Variants in RIPOR1 observed in about 807,000 individuals in gnomAD.
The protein encoded by RIPOR1 is RHO family interacting cell polarization regulator 1.
In RIPOR1, 58 loss-of-function variants were observed where a neutral mutation model predicts 116.5. The observed-to-expected ratio is 0.50, with a 90% CI of 0.40 to 0.62. RIPOR1 has a LOEUF of 0.62. RIPOR1 is among the 20% of genes least tolerant of loss of function. The pLI is 0.00. For synonymous variants in RIPOR1, 605 were observed against 650.0 expected (o/e 0.93, Z 1.05); for missense variants, 1,372 against 1,586.2 (o/e 0.86, Z 2.29).
In RIPOR1 at chr16:67,537,565, G is replaced by T; in HGVS notation, c.-23-859G>T. 7.1e-7 allele frequency: 1 copy of T among 1,406,986 alleles called. No homozygotes were observed. The highest frequency in any genetic ancestry group is 9.3e-7 in the Non-Finnish European group (1 of 1,078,746). 87.2% of individuals were successfully genotyped at this position (1,406,986 alleles called of 1,614,324 possible). A position where few individuals can be genotyped will look rare whatever the true frequency, so the allele number is the denominator to read the frequency against. ...GGGGGGCGAGCGCGGGTCGGGGGCC[G>T]TCCCGGACCCACCATGAACACCAAG... On this transcript the variant is annotated intron_variant, in intron 1 of 21. Coordinates refer to ENST00000042381, the MANE Select transcript of RIPOR1 (RefSeq NM_024519.4). The surrounding 1 kb of genome is among the most constrained non-coding windows in gnomAD (Gnocchi z 4.6).
chr16:67,544,619 TG>T lies in RIPOR1; in HGVS notation c.2734-73del. The stretch of plus-strand genomic sequence containing the variant: ...AACCCCAACCTCCCCCAGTGCATGC[TG>T]GGACTTGTCCCTGAGCACGATCCTC... On this transcript the variant is annotated intron_variant, in intron 15 of 21. Coordinates refer to ENST00000042381, the MANE Select transcript of RIPOR1 (RefSeq NM_024519.4). This position sits in a 1 kb window ranked among gnomAD's most constrained non-coding sequence, Gnocchi z 5.1. 1 of 1,595,542 alleles carries T rather than the reference TG, an allele frequency of 6.3e-7. No individual in the cohort carries two copies. The highest frequency in any genetic ancestry group is 1.1e-5 in the South Asian group (1 of 90,748).
chr16:67,537,854 G>T lies in RIPOR1; in HGVS notation c.-23-570G>T, dbSNP rs2050840168. 6.6e-6 allele frequency among the ~76,000 whole-genome samples: 1 copy of T among 151,872 alleles called. No homozygotes were observed. The highest frequency in any genetic ancestry group is 1.5e-5 in the Non-Finnish European group (1 of 67,910). The stretch of plus-strand genomic sequence containing the variant: ...CCCCCTGCCTGGAGGGCGCCGGGAC[G>T]CCCGGGCCGGTGGGGGCTGGGGGCA... On this transcript the variant is annotated intron_variant, in intron 1 of 21. Coordinates refer to ENST00000042381, the MANE Select transcript of RIPOR1 (RefSeq NM_024519.4). The surrounding 1 kb of genome is among the most constrained non-coding windows in gnomAD (Gnocchi z 4.6).
Position 67,546,488 on chromosome 16 carries a change from G to A in RIPOR1, c.*25G>A, listed in dbSNP as rs751403702. ...AACTATTCACCCATGGGTTCCTGGT[G>A]CCCCTTTCCCCCCACTTTCAGGGCT... On this transcript the variant is annotated 3_prime_UTR_variant, in exon 22 of 22. Coordinates refer to ENST00000042381, the MANE Select transcript of RIPOR1 (RefSeq NM_024519.4). The A allele has an allele frequency of 1.3e-6, 2 of 1,594,248 alleles. No individual in the cohort carries two copies. The highest frequency in any genetic ancestry group is 1.1e-5 in the South Asian group (1 of 90,576).
Position 67,543,125 on chromosome 16 carries a change from C to G in RIPOR1, c.2339C>G (p.Thr780Arg). The G allele has an allele frequency of 6.6e-7, 1 of 1,524,076 alleles. No homozygotes were observed. 94.4% of individuals were successfully genotyped at this position (1,524,076 alleles called of 1,614,324 possible). ...ATGGCTGTCCAGACCCCAGTCCCAA[C>G]GGCAGCCGGAGGGTCTGGGGACAGG... ...LAMAVQTPVPTAAGGSGDRSL... is the reference protein window; with the variant it reads ...LAMAVQTPVPRAAGGSGDRSL... The change falls in exon 13 of 22, where the codon ACG becomes AGG. Residue 780 changes from threonine to arginine, a missense_variant. Coordinates refer to ENST00000042381, the MANE Select transcript of RIPOR1 (RefSeq NM_024519.4). This position sits in a 1 kb window ranked among gnomAD's most constrained non-coding sequence, Gnocchi z 4.7.
rs2051130185 is a variant in RIPOR1, at chr16:67,545,355, C to T, written c.3032-21C>T. On this transcript the variant is annotated intron_variant, in intron 17 of 21. Coordinates refer to ENST00000042381, the MANE Select transcript of RIPOR1 (RefSeq NM_024519.4). This position sits in a 1 kb window ranked among gnomAD's most constrained non-coding sequence, Gnocchi z 4.8. ...GCTGTGTTCACCCAAACTCTGAGGC[C>T]CATGCTACTGCCTCCTGCAGTGTGT... The T allele has an allele frequency of 1.9e-6, 3 of 1,607,756 alleles. No homozygotes were observed. The highest frequency in any genetic ancestry group is 2.6e-6 in the Non-Finnish European group (3 of 1,176,246).
chr16:67,539,121 G>C, intron 4 of RIPOR1, 53 bp downstream of exon 4: 2 of 1,474,434 alleles, frequency 1.4e-6, no homozygotes, highest in Non-Finnish European at 1.9e-6. Context: ...GGAGGGCTGG[G>C]CAAGGGCAGC....
chr16:67,546,118 C>G, intron 20 of RIPOR1, 23 bp from the exon 21 acceptor site: 1 of 1,612,858 alleles, frequency 6.2e-7, no homozygotes, highest in South Asian at 1.1e-5. Context: ...CTGAGCCCAC[C>G]TCAATGCTCC....
In RIPOR1 at chr16:67,541,448, C is replaced by G. The variant is rs1567572261; in HGVS notation, c.820C>G (p.Leu274Val). 1 of 1,614,016 alleles carries G rather than the reference C, an allele frequency of 6.2e-7. No individual in the cohort carries two copies. The highest frequency in any genetic ancestry group is 1.7e-5 in the Admixed American group (1 of 60,014). The change falls in exon 11 of 22, where the codon CTG becomes GTG. Residue 274 changes from leucine (L) to valine (V), a missense_variant. This residue lies in a region of RIPOR1 where 202 missense variants were observed against 295.9 expected (regional missense o/e 0.68). Transcript: ENST00000042381. The surrounding 1 kb of genome is among the most constrained non-coding windows in gnomAD (Gnocchi z 4.6). Reference sequence around the variant, plus strand: ...GCTACAGGTGACAGAACTGAAGGGCCTGGCCAACCATGTGGTTGTGGGCAG... The same window carrying G: ...GCTACAGGTGACAGAACTGAAGGGCGTGGCCAACCATGTGGTTGTGGGCAG... ...LSIKVTELKGLANHVVVGSVS... is the reference protein window; with the variant it reads ...LSIKVTELKGVANHVVVGSVS...
Position 67,538,474 on chromosome 16 carries a change from C to T in RIPOR1, c.28C>T (p.Arg10Cys). MMSLSVRPQRRLLSARVNRS... is the reference protein window; with the variant it reads MMSLSVRPQCRLLSARVNRS... Reference sequence around the variant, plus strand: ...GATGTCCCTGTCGGTGCGGCCGCAGCGCCGTCTGCTCAGCGCCCGGGTCAA... The same window carrying T: ...GATGTCCCTGTCGGTGCGGCCGCAGTGCCGTCTGCTCAGCGCCCGGGTCAA... The change falls in exon 2 of 22, where the codon CGC becomes TGC. Residue 10 changes from arginine to cysteine, a missense_variant. By Grantham distance (180) the Arg-to-Cys change is radical. Transcript: ENST00000042381. 1 of 1,610,022 alleles carries T rather than the reference C, an allele frequency of 6.2e-7. No individual in the cohort carries two copies. Among genetic ancestry groups the T allele is most frequent in the South Asian group, 1.1e-5 (1 of 90,722 alleles).
In RIPOR1 at chr16:67,546,485, G is replaced by T. The variant is rs1042428349; in HGVS notation, c.*22G>T. On this transcript the variant is annotated 3_prime_UTR_variant, in exon 22 of 22. Transcript: ENST00000042381. The stretch of plus-strand genomic sequence containing the variant: ...CTAAACTATTCACCCATGGGTTCCT[G>T]GTGCCCCTTTCCCCCCACTTTCAGG... 8 of 1,599,050 alleles carry T rather than the reference G, an allele frequency of 5.0e-6. No homozygotes were observed. The highest frequency in any genetic ancestry group is 6.9e-6 in the Non-Finnish European group (8 of 1,167,540).
intron 1 of RIPOR1, among the ~76,000 whole-genome samples, chr16:67,534,227 T>G (rs2050736595): frequency 6.6e-6 from 1 of 151,912 alleles, no homozygotes; most frequent in South Asian, 2.1e-4. Context: ...GTTGAGCAAT[T>G]CTCATGCCTC....
In RIPOR1 at chr16:67,546,746, C is replaced by T; in HGVS notation, c.*283C>T. ...ATCCCTTGGTTTTGTATTTTATTTACAGAGTTTTACAGAAAATAAAAAAGC... is the reference window on the plus strand; with the variant it reads ...ATCCCTTGGTTTTGTATTTTATTTATAGAGTTTTACAGAAAATAAAAAAGC... On this transcript the variant is annotated 3_prime_UTR_variant, in exon 22 of 22. Transcript: ENST00000042381. 1 of 509,590 alleles carries T rather than the reference C, an allele frequency of 2.0e-6. No homozygotes were observed. The highest frequency in any genetic ancestry group is 2.3e-5 in the South Asian group (1 of 42,678). The allele number at this position is 509,590 out of a possible 1,614,324, so 31.6% of individuals were successfully genotyped here.
upstream of RIPOR1, among the ~76,000 whole-genome samples, chr16:67,524,412 G>C (rs2050523454): frequency 6.6e-6 from 1 of 152,136 alleles, no homozygotes; most frequent in South Asian, 2.1e-4. Context: ...GCTCCAACAG[G>C]CCGTGGTGCT....
rs2051065237 is a variant in RIPOR1, at chr16:67,543,503, G to A, written c.2600+34G>A. On this transcript the variant is annotated intron_variant, in intron 14 of 21. Transcript: ENST00000042381. The surrounding 1 kb of genome is among the most constrained non-coding windows in gnomAD (Gnocchi z 4.7). ...GCTAGGCAAGATGGGTGTGAGGCTA[G>A]GTGAGAGGGAAAAGGTGAGGCAGGA... is the stretch of plus-strand genomic sequence containing the variant. 25 of 1,544,824 alleles carry A rather than the reference G, an allele frequency of 1.6e-5. No individual in the cohort carries two copies. Among genetic ancestry groups the A allele is most frequent in the Non-Finnish European group, 2.2e-5 (25 of 1,146,748 alleles).
At position 67,530,085 on chromosome 16, in the gene RIPOR1, A is replaced by G. The variant is rs1405285721; in HGVS notation, c.-24+1171A>G. Reference sequence around the variant, plus strand: ...TGTGACTGCGGCGGGAGAGAGGAGCAAGGTGAGCCGCCCCAGGGGTCTGGG... The same window carrying G: ...TGTGACTGCGGCGGGAGAGAGGAGCGAGGTGAGCCGCCCCAGGGGTCTGGG... On this transcript the variant is annotated intron_variant, in intron 1 of 21. Coordinates refer to ENST00000042381, the MANE Select transcript of RIPOR1 (RefSeq NM_024519.4). The surrounding 1 kb of genome is among the most constrained non-coding windows in gnomAD (Gnocchi z 4.5). The G allele has an allele frequency of 1.7e-6, 1 of 594,094 alleles. No individual in the cohort carries two copies. The highest frequency in any genetic ancestry group is 3.0e-6 in the Non-Finnish European group (1 of 330,074). 36.8% of individuals were successfully genotyped at this position (594,094 alleles called of 1,614,324 possible). A position where few individuals can be genotyped will look rare whatever the true frequency, so the allele number is the denominator to read the frequency against.
At position 67,545,172 on chromosome 16, in the gene RIPOR1, C is replaced by G. The variant is rs2051125684; in HGVS notation, c.3031+55C>G. 1.9e-6 allele frequency: 3 copies of G among 1,594,952 alleles called. No homozygotes were observed. In the East Asian group the frequency reaches 6.7e-5, roughly 36 times the overall value. On this transcript the variant is annotated intron_variant, in intron 17 of 21. Transcript: ENST00000042381. The surrounding 1 kb of genome is among the most constrained non-coding windows in gnomAD (Gnocchi z 4.8). ...TGCTCAGATTCCCAGTGACAGGAAG[C>G]TCGGGGAAGCCAGGTCAGCCCACAC...
Position 67,545,110 on chromosome 16 carries a change from T to A in RIPOR1, c.3024T>A (p.Ala1008=). Residue 1008 remains alanine, a synonymous_variant, in exon 17 of 22, where the codon GCT becomes GCA. Transcript: ENST00000042381. The surrounding 1 kb of genome is among the most constrained non-coding windows in gnomAD (Gnocchi z 4.8). ...TCTCCCTGCGCCAGCCAGGCTTGGCTGAGGCTGGTGAGTGGGCTGCTTCCT... is the reference window on the plus strand; with the variant it reads ...TCTCCCTGCGCCAGCCAGGCTTGGCAGAGGCTGGTGAGTGGGCTGCTTCCT... ...ARLSLRQPGL[A]EAVCVKFLED... 1.9e-6 allele frequency: 3 copies of A among 1,612,018 alleles called. No homozygotes were observed. The highest frequency in any genetic ancestry group is 2.5e-6 in the Non-Finnish European group (3 of 1,179,884).
intron 1 of RIPOR1, among the ~76,000 whole-genome samples, chr16:67,533,559 A>G (rs1441726900): frequency 6.6e-6 from 1 of 151,958 alleles, no homozygotes; most frequent in East Asian, 1.9e-4. Flanking sequence ...ACGAAGTCCA[A>G]AGCTTTGCTG....
At chr16:67,527,828 C>T (rs1336834120), upstream of RIPOR1, among the ~76,000 whole-genome samples, 1 of 149,922 alleles carries the variant, frequency 6.7e-6, no homozygotes, top group Non-Finnish European at 1.5e-5. Context: ...TGCATTCCAG[C>T]CTGGGCGACA....
Sources: allele counts gnomAD v4.1 joint callset (sites outside exome capture counted in the v4.1 genomes callset), GRCh38; gene constraint gnomAD v4.1.1; regional missense constraint gnomAD v4.1.1; non-coding constraint Gnocchi (gnomAD v3.1); transcripts MANE v1.5; gene names NCBI Gene and HGNC (gene_info 2026-07-23, HGNC 2026-07-21).